CNIH3: variants seen among roughly 807,000 people sequenced by gnomAD.
CNIH3 encodes the protein cornichon family AMPA receptor auxiliary protein 3, also known as protein cornichon homolog 3.
In CNIH3, 14 loss-of-function variants were observed where a neutral mutation model predicts 24.1. The ratio of observed to expected loss-of-function variants is 0.58; its 90% CI spans 0.38 to 0.91. The LOEUF is 0.91. CNIH3 is among the 40% of genes least tolerant of loss of function. The pLI is 0.00. For missense variants in CNIH3, 178 were observed against 196.8 expected, an observed-to-expected ratio of 0.90 and a Z score of 0.57; for synonymous variants, 68 against 73.8, an observed-to-expected ratio of 0.92 and a Z score of 0.40.
At chr1:224,724,629 CCTGGGGCAAA>C (rs1175288873) in intron 3 of CNIH3, among the ~76,000 whole-genome samples, 2 of 152,144 alleles carry the variant, frequency 1.3e-5, no homozygotes, top group Non-Finnish European at 2.9e-5. Flanking sequence ...CTCTTTGGCT[CCTGGGGCAAA>C]TAAACCTTAG....
rs561402709 is a variant in CNIH3 at position 224,521,849 on chromosome 1, A to T, written n.343+522A>T. On this transcript the variant is annotated intron_variant and non_coding_transcript_variant, in intron 2 of 2. Transcript: ENST00000470602. Reference sequence around the variant, plus strand: ...AAATCTTTCCCTCATCCCCCACCTTATTTTTTTCTTTTGTATGTAAGTTAG... The same window carrying T: ...AAATCTTTCCCTCATCCCCCACCTTTTTTTTTTCTTTTGTATGTAAGTTAG... Among the ~76,000 whole-genome samples, 22 of 152,098 alleles carry T rather than the reference A, an allele frequency of 1.4e-4. No homozygotes were observed. The South Asian group carries it at 4.4e-3, about 30-fold the overall frequency.
At chr1:224,679,946 T>A (rs952650486) in intron 1 of CNIH3, among the ~76,000 whole-genome samples, 1 of 152,146 alleles carries the variant, frequency 6.6e-6, no homozygotes, top group Non-Finnish European at 1.5e-5. Context: ...ATAGCTGAGA[T>A]TACAGGTGCA....
chr1:224,659,052 G>T (rs1375592663), intron 1 of CNIH3, among the ~76,000 whole-genome samples: 2 of 152,084 alleles, frequency 1.3e-5, no homozygotes, highest in African/African-American at 2.4e-5. Flanking sequence ...TAGAAAGACT[G>T]AACTAATTTT....
chr1:224,460,792 T>C (rs1572285758), intron 1 of CNIH3, among the ~76,000 whole-genome samples: 1 of 150,868 alleles, frequency 6.6e-6, no homozygotes. Flanking sequence ...TTTTTAGATA[T>C]GTGGTCTCAT....
At chr1:224,598,034 T>C (rs1324643519) in intron 3 of CNIH3, among the ~76,000 whole-genome samples, 2 of 152,134 alleles carry the variant, frequency 1.3e-5, no homozygotes, top group Non-Finnish European at 1.5e-5. Flanking sequence ...CAACATTGTG[T>C]TGTGAGAGCA....
chr1:224,463,770 CTCATTT>C (rs1676030809), intron 1 of CNIH3, among the ~76,000 whole-genome samples: 9 of 87,070 alleles, frequency 1.0e-4, no homozygotes, highest in African/African-American at 2.7e-4. Flanking sequence ...ATGAATTGTC[CTCATTT>C]TTTTTTTTTT....
chr1:224,470,800 G>C (rs899318640), intron 1 of CNIH3, among the ~76,000 whole-genome samples: 2 of 152,040 alleles, frequency 1.3e-5, no homozygotes, highest in Non-Finnish European at 2.9e-5. Flanking sequence ...TTGTCTTCTT[G>C]CTTGCATTGT....
rs550736573 is a variant in CNIH3, at chr1:224,560,971, C to T, written n.451-5228C>T. On this transcript the variant is annotated intron_variant and non_coding_transcript_variant, in intron 3 of 5. Transcript: ENST00000471578. ...TCTCGTGATTTCAATTTGCATTTCC[C>T]TCGTGATTAATGATATTCAGCACCT... 2.4e-3 allele frequency among the ~76,000 whole-genome samples: 367 copies of T among 152,170 alleles called. 2 individuals carry two copies. In the Middle Eastern group the frequency reaches 0.027, roughly 11 times the overall value.
At chr1:224,548,484 G>T (rs1384137377) in intron 3 of CNIH3, among the ~76,000 whole-genome samples, 1 of 150,840 alleles carries the variant, frequency 6.6e-6, no homozygotes, top group Non-Finnish European at 1.5e-5. Flanking sequence ...TATAACAGTG[G>T]GTATATACCC....
Position 224,499,026 on chromosome 1 carries a change from G to A in CNIH3, n.204-16715G>A, listed in dbSNP as rs529345480. 5.9e-5 allele frequency among the ~76,000 whole-genome samples: 9 copies of A among 152,318 alleles called. 1 individual carries two copies. Among genetic ancestry groups the A allele is most frequent in the Admixed American group, 3.9e-4 (6 of 15,300 alleles). On this transcript the variant is annotated intron_variant and non_coding_transcript_variant, in intron 1 of 5. Coordinates refer to the CNIH3 transcript ENST00000471578. ...GGAACCCATGCCAGGACTGGCACCC[G>A]CTCCGGGAAGGGGTGCTGGGAGTGC...
intron 3 of CNIH3, among the ~76,000 whole-genome samples, chr1:224,722,115 C>T (rs1008964859): frequency 6.7e-6 from 1 of 150,166 alleles, no homozygotes; most frequent in Non-Finnish European, 1.5e-5. Flanking sequence ...GACCCACAGC[C>T]TCTGGGAGGG....
chr1:224,567,467 G>A (rs560101477), intron 4 of CNIH3, among the ~76,000 whole-genome samples: 1 of 152,198 alleles, frequency 6.6e-6, no homozygotes, highest in Admixed American at 6.5e-5. Context: ...GAGATTTATA[G>A]CATTTGGACC....
chr1:224,435,167 C>G (rs775863426), intron 1 of CNIH3: 1 of 986,192 alleles, frequency 1.0e-6, no homozygotes, highest in Non-Finnish European at 1.2e-6. Flanking sequence ...GGGACTGCAC[C>G]TTCTCCATCA....
chr1:224,694,197 G>A (rs1035911976), intron 3 of CNIH3, among the ~76,000 whole-genome samples: 1 of 152,220 alleles, frequency 6.6e-6, no homozygotes, highest in African/African-American at 2.4e-5. Context: ...GGACTTGGGA[G>A]CATTTCCACA....
At chr1:224,496,283 T>A (rs1677436462) in intron 1 of CNIH3, among the ~76,000 whole-genome samples, 1 of 152,202 alleles carries the variant, frequency 6.6e-6, no homozygotes, top group East Asian at 1.9e-4. Context: ...CTGAGGAGAC[T>A]GTGGGGAGAA....
At chr1:224,729,086 C>T (rs551229411) in intron 3 of CNIH3, among the ~76,000 whole-genome samples, 54 of 152,014 alleles carry the variant, frequency 3.6e-4, no homozygotes, top group African/African-American at 1.2e-3. Context: ...GGTGGAGGAA[C>T]AAGGGACGGT....
chr1:224,557,714 C>T (rs1166968836), intron 3 of CNIH3, among the ~76,000 whole-genome samples: 2 of 152,118 alleles, frequency 1.3e-5, no homozygotes, highest in African/African-American at 4.8e-5. Flanking sequence ...GCCTCGGCCT[C>T]CCAAAGTGCT....
intron 3 of CNIH3, among the ~76,000 whole-genome samples, chr1:224,686,593 A>G (rs192717537): frequency 6.6e-6 from 1 of 152,378 alleles, no homozygotes; most frequent in Non-Finnish European, 1.5e-5. Context: ...CCTAAGTGAC[A>G]TCAAATGGAT....
chr1:224,656,122 A>G (rs1020672650), intron 1 of CNIH3, among the ~76,000 whole-genome samples: 2 of 152,178 alleles, frequency 1.3e-5, no homozygotes, highest in Non-Finnish European at 2.9e-5. Flanking sequence ...CAATTCCTCA[A>G]TCATGGGGAA....
Sources: allele counts gnomAD v4.1 joint callset (sites outside exome capture counted in the v4.1 genomes callset), GRCh38; gene constraint gnomAD v4.1.1; transcripts MANE v1.5; gene names NCBI Gene and HGNC (gene_info 2026-07-23, HGNC 2026-07-21).